CYB5D2: variants seen among roughly 807,000 people sequenced by gnomAD.
CYB5D2 encodes neuferricin.
A neutral mutation model predicts 22.8 loss-of-function variants in CYB5D2; 23 were observed. That is an observed-to-expected ratio of 1.01 (90% CI 0.73 to 1.43). The LOEUF is 1.43. Among genes scored for constraint, CYB5D2 ranks in the 40% most tolerant of loss-of-function variants. The pLI, the probability that CYB5D2 is intolerant of heterozygous loss-of-function variation, is 0.00. For missense variants in CYB5D2, 373 were observed against 357.2 expected, an observed-to-expected ratio of 1.04 and a Z score of -0.36; for synonymous variants, 170 against 152.2, an observed-to-expected ratio of 1.12 and a Z score of -0.86.
At chr17:4,154,090 C>G (rs2059087034) in intron 2 of CYB5D2, among the ~76,000 whole-genome samples, 1 of 152,146 alleles carries the variant, frequency 6.6e-6, no homozygotes. Flanking sequence ...TCCTTCTGGC[C>G]TATAGGCTGG....
In CYB5D2 at chr17:4,157,377, C is replaced by T; in HGVS notation, c.*295C>T. 1 of 470,194 alleles carries T rather than the reference C, an allele frequency of 2.1e-6. No individual in the cohort carries two copies. Among genetic ancestry groups the T allele is most frequent in the Non-Finnish European group, 3.9e-6 (1 of 257,902 alleles). 29.1% of individuals were successfully genotyped at this position (470,194 alleles called of 1,614,324 possible). On this transcript the variant is annotated 3_prime_UTR_variant, in exon 4 of 4. Coordinates refer to ENST00000301391, the MANE Select transcript of CYB5D2 (RefSeq NM_144611.4). This position sits in a 1 kb window ranked among gnomAD's most constrained non-coding sequence, Gnocchi z 4.4. ...TCAACGGGCACAAATAAGACCAACT[C>T]AATTTCCACTTGAATTTACAACCAA...
intron 3 of CYB5D2, among the ~76,000 whole-genome samples, chr17:4,155,502 G>A (rs989040294): frequency 2.6e-5 from 4 of 152,192 alleles, no homozygotes; most frequent in Non-Finnish European, 5.9e-5. Flanking sequence ...TAAATGAGCG[G>A]AGCAAGGGCA....
intron 2 of CYB5D2, among the ~76,000 whole-genome samples, chr17:4,153,903 G>C (rs897632110): frequency 6.6e-6 from 1 of 152,188 alleles, no homozygotes; most frequent in African/African-American, 2.4e-5. Flanking sequence ...GAACATACGC[G>C]CCACTAGAAT....
rs544850897 is a variant in CYB5D2 at position 4,144,806 on chromosome 17, A to G, written c.250+801A>G. Among the ~76,000 whole-genome samples, 27 of 152,108 alleles carry G rather than the reference A, an allele frequency of 1.8e-4. No individual in the cohort carries two copies. In the South Asian group the frequency reaches 5.6e-3, roughly 32 times the overall value. On this transcript the variant is annotated intron_variant, in intron 1 of 3. Coordinates refer to ENST00000301391, the MANE Select transcript of CYB5D2 (RefSeq NM_144611.4). ...CACCAGTCTAGTGCTTTTTTTTTAA[A>G]GATGGAATCTCGCTGTGTCGCCCAG...
Position 4,143,850 on chromosome 17 carries a change from G to T in CYB5D2, c.95G>T (p.Arg32Leu). ...AARLMGWWGPRAGFRLFIPEE... is the reference protein window; with the variant it reads ...AARLMGWWGPLAGFRLFIPEE... ...CGGCTTATGGGCTGGTGGGGTCCCCGCGCTGGCTTTCGCCTTTTCATACCG... is the reference window on the plus strand; with the variant it reads ...CGGCTTATGGGCTGGTGGGGTCCCCTCGCTGGCTTTCGCCTTTTCATACCG... The change falls in exon 1 of 4, where the codon CGC becomes CTC. Residue 32 changes from arginine to leucine, a missense_variant. Physicochemically the swap from Arg to Leu is moderately radical, Grantham distance 102 (BLOSUM62 -2). Coordinates refer to ENST00000301391, the MANE Select transcript of CYB5D2 (RefSeq NM_144611.4). 1 of 1,614,108 alleles carries T rather than the reference G, an allele frequency of 6.2e-7. No individual in the cohort carries two copies. Among genetic ancestry groups the T allele is most frequent in the South Asian group, 1.1e-5 (1 of 91,082 alleles).
At chr17:4,144,887 C>T (rs1225690663) in intron 1 of CYB5D2, among the ~76,000 whole-genome samples, 2 of 151,984 alleles carry the variant, frequency 1.3e-5, no homozygotes, top group East Asian at 3.9e-4. Flanking sequence ...CCCGGGTTCA[C>T]GCCATTCTCC....
intron 2 of CYB5D2, among the ~76,000 whole-genome samples, chr17:4,153,399 C>T (rs759109493): frequency 5.3e-5 from 8 of 151,976 alleles, no homozygotes; most frequent in Middle Eastern, 3.4e-3. Flanking sequence ...CCCCCGTGAA[C>T]GAGGGGGGAC....
Position 4,146,229 on chromosome 17 carries a change from G to A in CYB5D2, c.250+2224G>A, listed in dbSNP as rs1443431789. Among the ~76,000 whole-genome samples the A allele has an allele frequency of 6.6e-5, 10 of 151,806 alleles. No individual in the cohort carries two copies. In the East Asian group the frequency reaches 1.9e-3, roughly 29 times the overall value. On this transcript the variant is annotated intron_variant, in intron 1 of 3. Transcript: ENST00000301391. ...GTGCCCCAGCCTCCCGAGGAGCTAGGATTACAGGCGTGTGCCACCATGTCT... is the reference window on the plus strand; with the variant it reads ...GTGCCCCAGCCTCCCGAGGAGCTAGAATTACAGGCGTGTGCCACCATGTCT...
At chr17:4,153,621 G>T (rs578127812) in intron 2 of CYB5D2, among the ~76,000 whole-genome samples, 1 of 152,338 alleles carries the variant, frequency 6.6e-6, no homozygotes, top group East Asian at 1.9e-4. Flanking sequence ...TGACCAGAGA[G>T]CAGTTAGGAG....
chr17:4,151,889 C>T (rs1472345806), intron 2 of CYB5D2, among the ~76,000 whole-genome samples: 1 of 151,732 alleles, frequency 6.6e-6, no homozygotes, highest in East Asian at 1.9e-4. Flanking sequence ...ACCTGTAATC[C>T]CAGCTACTCA....
At position 4,143,770 on chromosome 17, in the gene CYB5D2, A is replaced by C. The variant is rs370488302; in HGVS notation, c.15A>C (p.Gly5=). The change falls in exon 1 of 4, where the codon GGA becomes GGC. Residue 5 remains glycine (G), a synonymous_variant. Coordinates refer to ENST00000301391, the MANE Select transcript of CYB5D2 (RefSeq NM_144611.4). MLRC[G]GRGLLLGLAV... ...GGCCTATATAGATGTTGAGGTGCGGAGGCCGTGGGCTTTTGTTGGGCCTGG... is the reference window on the plus strand; with the variant it reads ...GGCCTATATAGATGTTGAGGTGCGGCGGCCGTGGGCTTTTGTTGGGCCTGG... The C allele has an allele frequency of 2.8e-4, 446 of 1,613,532 alleles. No homozygotes were observed. Among genetic ancestry groups the C allele is most frequent in the Non-Finnish European group, 3.7e-4 (433 of 1,179,880 alleles).
intron 1 of CYB5D2, among the ~76,000 whole-genome samples, chr17:4,148,895 AG>A (rs2059023174): frequency 6.6e-6 from 1 of 151,926 alleles, no homozygotes; most frequent in African/African-American, 2.4e-5. Flanking sequence ...GCAATACTGG[AG>A]TAGATACAGG....
At position 4,150,043 on chromosome 17, in the gene CYB5D2, A is replaced by G; in HGVS notation, c.391+12A>G. Reference sequence around the variant, plus strand: ...TTATGTGTGTGTTGGTAAGTCGTCCATAGGTCATACATTTCATTTGGTTGT... The same window carrying G: ...TTATGTGTGTGTTGGTAAGTCGTCCGTAGGTCATACATTTCATTTGGTTGT... On this transcript the variant is annotated intron_variant, in intron 2 of 3. Coordinates refer to ENST00000301391, the MANE Select transcript of CYB5D2 (RefSeq NM_144611.4). 6.2e-7 allele frequency: 1 copy of G among 1,613,632 alleles called. No individual in the cohort carries two copies. The highest frequency in any genetic ancestry group is 8.5e-7 in the Non-Finnish European group (1 of 1,179,994).
chr17:4,157,319 C>T lies in CYB5D2; in HGVS notation c.*237C>T. 7.0e-6 allele frequency: 4 copies of T among 569,606 alleles called. No individual in the cohort carries two copies. Among genetic ancestry groups the T allele is most frequent in the South Asian group, 6.2e-5 (3 of 48,192 alleles). 35.3% of individuals were successfully genotyped at this position (569,606 alleles called of 1,614,324 possible). A position where few individuals can be genotyped will look rare whatever the true frequency, so the allele number is the denominator to read the frequency against. On this transcript the variant is annotated 3_prime_UTR_variant, in exon 4 of 4. Transcript: ENST00000301391. This position sits in a 1 kb window ranked among gnomAD's most constrained non-coding sequence, Gnocchi z 4.4. ...AGCTTTTCAACACTATTCCCTTTGA[C>T]CTACTGGCCATCTTCCTCACAGCCC... is the stretch of plus-strand genomic sequence containing the variant.
rs367748559 is a variant in CYB5D2, at chr17:4,154,674, G to C, written c.392G>C (p.Gly131Ala). Residue 131 changes from glycine to alanine, a missense_variant and splice_region_variant, in exon 3 of 4, where the codon GGG becomes GCG. Physicochemically the swap from Gly to Ala is moderately conservative, Grantham distance 60. Coordinates refer to ENST00000301391, the MANE Select transcript of CYB5D2 (RefSeq NM_144611.4). ...CACATCTGCCTTCCTGTCATCACAG[G>C]GAGGGTGACAGGACGGTTCTACGGA... ...SFYEKNYVCVGRVTGRFYGED... is the reference protein window; with the variant it reads ...SFYEKNYVCVARVTGRFYGED... 14 of 1,613,270 alleles carry C rather than the reference G, an allele frequency of 8.7e-6. No individual in the cohort carries two copies. Among genetic ancestry groups the C allele is most frequent in the Non-Finnish European group, 1.1e-5 (13 of 1,179,532 alleles).
chr17:4,146,167 C>G (rs747304350), intron 1 of CYB5D2, among the ~76,000 whole-genome samples: 3 of 152,150 alleles, frequency 2.0e-5, no homozygotes, highest in Non-Finnish European at 4.4e-5. Context: ...GCAATCTTGG[C>G]TTACTGCAAC....
chr17:4,144,225 G>T (rs2058949029), intron 1 of CYB5D2, among the ~76,000 whole-genome samples: 1 of 152,076 alleles, frequency 6.6e-6, no homozygotes, highest in Non-Finnish European at 1.5e-5. Context: ...ACCGCCCTGC[G>T]TGACTTACAT....
In CYB5D2 at chr17:4,157,162, G is replaced by C; in HGVS notation, c.*80G>C. On this transcript the variant is annotated 3_prime_UTR_variant, in exon 4 of 4. Transcript: ENST00000301391. The surrounding 1 kb of genome is among the most constrained non-coding windows in gnomAD (Gnocchi z 4.4). ...GGCCCTTGACACTTGTGTGCCCTGG[G>C]ATGCCTCCTGGCGCGAATCAGGAGG... 1 of 1,489,874 alleles carries C rather than the reference G, an allele frequency of 6.7e-7. No homozygotes were observed. Among genetic ancestry groups the C allele is most frequent in the Non-Finnish European group, 9.2e-7 (1 of 1,088,774 alleles). The allele number at this position is 1,489,874 out of a possible 1,614,324, so 92.3% of individuals were successfully genotyped here.
intron 1 of CYB5D2, among the ~76,000 whole-genome samples, chr17:4,144,577 T>C (rs1313389920): frequency 6.6e-6 from 1 of 152,190 alleles, no homozygotes; most frequent in African/African-American, 2.4e-5. Context: ...TTTGCCTTCC[T>C]TAGAAGGTTA....
Sources: allele counts gnomAD v4.1 joint callset (sites outside exome capture counted in the v4.1 genomes callset), GRCh38; gene constraint gnomAD v4.1.1; non-coding constraint Gnocchi (gnomAD v3.1); transcripts MANE v1.5; gene names NCBI Gene and HGNC (gene_info 2026-07-23, HGNC 2026-07-21).